The following PCDHAC1 variants were observed in gnomAD, a reference collection of about 807,000 sequenced individuals.
PCDHAC1 encodes the protein protocadherin alpha-C1.
In PCDHAC1, 42 loss-of-function variants were observed where a neutral mutation model predicts 60.0. The observed-to-expected ratio is 0.70, with a 90% CI of 0.55 to 0.90. The LOEUF (loss-of-function observed/expected upper bound fraction) is 0.90. Ranked by LOEUF, PCDHAC1 falls within the 40% of genes least tolerant of loss-of-function variation. The pLI is 0.00. For missense variants in PCDHAC1, 1,160 were observed against 1,222.3 expected, an observed-to-expected ratio of 0.95 and a Z score of 0.76; for synonymous variants, 468 against 499.3, an observed-to-expected ratio of 0.94 and a Z score of 0.84.
intron 1 of PCDHAC1, among the ~76,000 whole-genome samples, chr5:140,948,075 T>C (rs1554218432): frequency 1.3e-5 from 2 of 151,684 alleles, no homozygotes; most frequent in Non-Finnish European, 3.0e-5. Flanking sequence ...AATTTTCTTT[T>C]AATCTATTGA....
At chr5:140,967,272 T>C in intron 1 of PCDHAC1, 2 of 1,613,412 alleles carry the variant, frequency 1.2e-6, no homozygotes, top group Non-Finnish European at 1.7e-6. Flanking sequence ...CGCTTTCACA[T>C]AGAGAGTGCG....
In PCDHAC1 at chr5:141,010,195, C is replaced by G. The variant is rs753472247; in HGVS notation, c.*258C>G. 6.4e-7 allele frequency: 1 copy of G among 1,552,256 alleles called. No homozygotes were observed. The highest frequency in any genetic ancestry group is 8.7e-7 in the Non-Finnish European group (1 of 1,147,132). Reference sequence around the variant, plus strand: ...TAAAAAGCAGACCCAAGTTTCCTTTCTCCTCCGCCGCAAAGGAGAGGCTTC... The same window carrying G: ...TAAAAAGCAGACCCAAGTTTCCTTTGTCCTCCGCCGCAAAGGAGAGGCTTC... On this transcript the variant is annotated 3_prime_UTR_variant, in exon 4 of 4. Coordinates refer to ENST00000253807, the MANE Select transcript of PCDHAC1 (RefSeq NM_018898.5).
intron 1 of PCDHAC1, among the ~76,000 whole-genome samples, chr5:140,941,241 TTCTTTCTTTCTTTC>T (rs1247398838): frequency 5.8e-4 from 81 of 140,456 alleles, no homozygotes; most frequent in African/African-American, 2.0e-3. Flanking sequence ...CTTTCTTTCT[TTCTTTCTTTCTTTC>T]TCTTTCTTTC....
At chr5:140,958,667 TA>T (rs1310790364) in intron 1 of PCDHAC1, among the ~76,000 whole-genome samples, 1 of 152,186 alleles carries the variant, frequency 6.6e-6, no homozygotes, top group African/African-American at 2.4e-5. Context: ...GATGAAATTT[TA>T]ATTATAAAGG....
At position 140,966,347 on chromosome 5, in the gene PCDHAC1, G is replaced by A. The variant is rs189506336; in HGVS notation, c.2434-12602G>A. 6.3e-5 allele frequency: 25 copies of A among 397,502 alleles called. No homozygotes were observed. The East Asian group carries it at 8.6e-4, about 14-fold the overall frequency. The allele number at this position is 397,502 out of a possible 1,614,324, so 24.6% of individuals were successfully genotyped here. A position where few individuals can be genotyped will look rare whatever the true frequency, so the allele number is the denominator to read the frequency against. On this transcript the variant is annotated intron_variant, in intron 1 of 3. Transcript: ENST00000253807. ...GGGATCCGGCAGGTCCAGGGTGAAG[G>A]AGATGGGGCTGGAGAGGCTGAGCAG... is the stretch of plus-strand genomic sequence containing the variant.
At chr5:140,976,818 G>A (rs782290955) in intron 1 of PCDHAC1, among the ~76,000 whole-genome samples, 5 of 152,208 alleles carry the variant, frequency 3.3e-5, no homozygotes, top group Admixed American at 6.5e-5. Flanking sequence ...ATATGCATGT[G>A]TCTAATGAGC....
chr5:140,968,287 C>T lies in PCDHAC1; in HGVS notation c.2434-10662C>T, dbSNP rs7712041. Reference sequence around the variant, plus strand: ...AGGAGAATGCAGAGGTGACCTACTCCCTTCTGGAGAGGGAGATTCAAGGGC... The same window carrying T: ...AGGAGAATGCAGAGGTGACCTACTCTCTTCTGGAGAGGGAGATTCAAGGGC... On this transcript the variant is annotated intron_variant, in intron 1 of 3. Coordinates refer to ENST00000253807, the MANE Select transcript of PCDHAC1 (RefSeq NM_018898.5). The T allele has an allele frequency of 2.5e-3, 4,093 of 1,613,902 alleles. 64 individuals are homozygous for T. In the African/African-American group the frequency reaches 0.039, roughly 16 times the overall value.
intron 1 of PCDHAC1, among the ~76,000 whole-genome samples, chr5:140,958,321 AAAAT>A: frequency 1.3e-5 from 2 of 152,256 alleles, no homozygotes; most frequent in Middle Eastern, 6.8e-3. Context: ...TAGAGCTCAA[AAAAT>A]AAATAAATCA....
chr5:140,978,865 A>G, intron 1 of PCDHAC1, 84 bp from the exon 2 acceptor site: 1 of 1,602,026 alleles, frequency 6.2e-7, no homozygotes, highest in South Asian at 1.1e-5. Flanking sequence ...GAAATATTTA[A>G]GGGAGTAACT....
At chr5:140,933,392 T>C (rs1298872630) in intron 1 of PCDHAC1, among the ~76,000 whole-genome samples, 3 of 152,044 alleles carry the variant, frequency 2.0e-5, no homozygotes, top group Non-Finnish European at 2.9e-5. Context: ...CCTAGAGCCA[T>C]CTGGTTACCA....
chr5:140,938,180 A>G (rs913967767), intron 1 of PCDHAC1, among the ~76,000 whole-genome samples: 2 of 152,166 alleles, frequency 1.3e-5, no homozygotes, highest in Non-Finnish European at 2.9e-5. Flanking sequence ...TCCTGGGCTC[A>G]AGCAATCCTC....
At chr5:140,968,029 GGT>G in intron 1 of PCDHAC1, 1 of 1,614,170 alleles carries the variant, frequency 6.2e-7, no homozygotes, top group African/African-American at 1.3e-5. Context: ...CCTATACACT[GGT>G]GGTGAGCGGC....
chr5:140,976,814 A>G (rs1276394910), intron 1 of PCDHAC1, among the ~76,000 whole-genome samples: 1 of 152,242 alleles, frequency 6.6e-6, no homozygotes, highest in East Asian at 1.9e-4. Flanking sequence ...GAAGATATGC[A>G]TGTGTCTAAT....
intron 1 of PCDHAC1, among the ~76,000 whole-genome samples, chr5:140,946,992 A>T (rs1393633852): frequency 1.3e-5 from 2 of 151,908 alleles, no homozygotes; most frequent in East Asian, 3.9e-4. Context: ...TGAGTGTTCT[A>T]ACTTCAAAGA....
intron 1 of PCDHAC1, among the ~76,000 whole-genome samples, chr5:140,977,305 AC>A (rs1424604910): frequency 6.6e-6 from 1 of 152,258 alleles, no homozygotes; most frequent in African/African-American, 2.4e-5. Flanking sequence ...TGACAAGCTA[AC>A]GATAGTGCTC....
intron 1 of PCDHAC1, among the ~76,000 whole-genome samples, chr5:140,952,656 T>A (rs1554220534): frequency 6.6e-6 from 1 of 152,188 alleles, no homozygotes; most frequent in Admixed American, 6.5e-5. Flanking sequence ...GTTACCCAGT[T>A]CCAAAGTCAC....
At chr5:140,937,844 G>A (rs926736710) in intron 1 of PCDHAC1, among the ~76,000 whole-genome samples, 7 of 149,606 alleles carry the variant, frequency 4.7e-5, no homozygotes, top group Non-Finnish European at 8.9e-5. Context: ...CCTGGAAGGC[G>A]GAACTTGGAG....
At chr5:140,961,342 A>AC (rs2095605510) in intron 1 of PCDHAC1, among the ~76,000 whole-genome samples, 1 of 152,164 alleles carries the variant, frequency 6.6e-6, no homozygotes, top group South Asian at 2.1e-4. Flanking sequence ...CCAAGAGTGG[A>AC]TCCCTGTAGT....
At chr5:140,969,112 A>G (rs781784282) in intron 1 of PCDHAC1, 4 of 1,614,022 alleles carry the variant, frequency 2.5e-6, no homozygotes, top group Admixed American at 3.3e-5. Context: ...TTGAAGTTCG[A>G]GGGAATGGCT....
Sources: gnomAD v4.1 joint callset for allele counts (sites outside exome capture counted in the v4.1 genomes callset) on GRCh38, gnomAD v4.1.1 for gene constraint, MANE v1.5 for transcripts, NCBI Gene and HGNC (gene_info 2026-07-23, HGNC 2026-07-21) for gene names.